SUPT3H: variants seen among roughly 807,000 people sequenced by gnomAD.
SUPT3H encodes transcription initiation protein SPT3 homolog.
In SUPT3H, 44 loss-of-function variants were observed where a neutral mutation model predicts 44.3. That is an observed-to-expected ratio of 0.99 (90% CI 0.78 to 1.28). The LOEUF (loss-of-function observed/expected upper bound fraction) is 1.28, where lower values mean the gene tolerates loss of function less well. Ranked by LOEUF, SUPT3H falls within the 50% of genes most tolerant of loss-of-function variation. The probability of loss-of-function intolerance (pLI) is 0.00; values close to 1 mark genes in which losing one functional copy is unlikely to be tolerated. For synonymous variants in SUPT3H, 124 were observed against 125.6 expected (o/e 0.99, Z 0.09); for missense variants, 380 against 387.1 (o/e 0.98, Z 0.15).
At chr6:45,116,441 C>G (rs1028533996) in intron 2 of SUPT3H, among the ~76,000 whole-genome samples, 2 of 152,056 alleles carry the variant, frequency 1.3e-5, no homozygotes, top group African/African-American at 4.8e-5. Context: ...GTATTAAGTG[C>G]CAGGTATATT....
chr6:45,270,187 A>C (rs1354256511), intron 2 of SUPT3H, among the ~76,000 whole-genome samples: 1 of 152,166 alleles, frequency 6.6e-6, no homozygotes, highest in Non-Finnish European at 1.5e-5. Context: ...CAAGGTCAAG[A>C]CACTTGTAAA....
chr6:45,161,559 T>C (rs1378943696), intron 2 of SUPT3H, among the ~76,000 whole-genome samples: 1 of 152,130 alleles, frequency 6.6e-6, no homozygotes, highest in Non-Finnish European at 1.5e-5. Flanking sequence ...TCAAAAGCAC[T>C]TTTGGAAGTA....
At chr6:45,216,961 T>C (rs893684715) in intron 2 of SUPT3H, among the ~76,000 whole-genome samples, 6 of 152,104 alleles carry the variant, frequency 3.9e-5, no homozygotes, top group Non-Finnish European at 7.4e-5. Context: ...AAGTAGGGCA[T>C]AGAATAGTAG....
chr6:45,198,333 C>T (rs895421911), intron 2 of SUPT3H, among the ~76,000 whole-genome samples: 16 of 151,314 alleles, frequency 1.1e-4, no homozygotes, highest in Admixed American at 1.1e-3. Context: ...TAAATGTCTA[C>T]CTCATTTGCT....
intron 2 of SUPT3H, among the ~76,000 whole-genome samples, chr6:45,342,478 C>A (rs967551000): frequency 6.6e-6 from 1 of 152,080 alleles, no homozygotes; most frequent in East Asian, 1.9e-4. Flanking sequence ...CCAGGATGGT[C>A]TCGATCTTCT....
At chr6:45,305,322 C>T (rs1386444033) in intron 2 of SUPT3H, among the ~76,000 whole-genome samples, 1 of 152,184 alleles carries the variant, frequency 6.6e-6, no homozygotes. Flanking sequence ...ATTGCTTCCG[C>T]TATACCTACT....
At position 45,322,733 on chromosome 6, in the gene SUPT3H, C is replaced by G; in HGVS notation, c.101+42468G>C. 3 of 612,786 alleles carry G rather than the reference C, an allele frequency of 4.9e-6. No individual in the cohort carries two copies. The East Asian group carries it at 8.5e-5, about 17-fold the overall frequency. The allele number at this position is 612,786 out of a possible 1,614,324, so 38.0% of individuals were successfully genotyped here. A position where few individuals can be genotyped will look rare whatever the true frequency, so the allele number is the denominator to read the frequency against. ...ACTGGCATGCAAATAAAAGAACTGT[C>G]AAGACATGTATTCCTAAAAATAAGC... On this transcript the variant is annotated intron_variant, in intron 2 of 10. Coordinates refer to ENST00000371459, the MANE Select transcript of SUPT3H (RefSeq NM_003599.4).
At chr6:44,845,835 C>G (rs1771773352) in intron 10 of SUPT3H, among the ~76,000 whole-genome samples, 2 of 152,204 alleles carry the variant, frequency 1.3e-5, no homozygotes, top group Admixed American at 1.3e-4. Context: ...CTCAATAAAA[C>G]CTTGTGCTCA....
chr6:45,353,340 T>C lies in SUPT3H; in HGVS notation c.101+11861A>G, dbSNP rs142901204. 9.0e-3 allele frequency among the ~76,000 whole-genome samples: 1,377 copies of C among 152,162 alleles called. 14 individuals carry two copies. Among genetic ancestry groups the C allele is most frequent in the South Asian group, 0.028 (137 of 4,828 alleles). ...ATAAAAATAGGAAAAGAGTCAAAAATATTTTAAAAAGAAAAGTTATGCGGA... is the reference window on the plus strand; with the variant it reads ...ATAAAAATAGGAAAAGAGTCAAAAACATTTTAAAAAGAAAAGTTATGCGGA... On this transcript the variant is annotated intron_variant, in intron 2 of 10. Transcript: ENST00000371459.
Position 45,158,298 on chromosome 6 carries a change from A to ATATATATATATTTTTT in SUPT3H, c.102-52293_102-52292insAAAAAATATATATATA. 6.0e-5 allele frequency among the ~76,000 whole-genome samples: 6 copies of ATATATATATATTTTTT among 99,694 alleles called. 1 individual carries two copies. The highest frequency in any genetic ancestry group is 3.0e-4 in the African/African-American group (6 of 19,958). 65.4% of individuals were successfully genotyped at this position (99,694 alleles called of 152,430 possible). On this transcript the variant is annotated intron_variant, in intron 2 of 10. Transcript: ENST00000371459. ...TACATATATATATATATATATATAT[A>ATATATATATATTTTTT]TTTTTTTTTTTTTTTTTTTGAGATG... is the stretch of plus-strand genomic sequence containing the variant.
chr6:45,099,351 TA>T (rs34067326), intron 3 of SUPT3H: 119,103 of 149,480 alleles, frequency 0.8, 47,400 homozygotes, highest in South Asian at 0.82. Context: ...GTGTTTTTCT[TA>T]AAAAAAAAAA....
chr6:45,020,707 G>T, intron 3 of SUPT3H, 75 bp from the exon 4 acceptor site: 1 of 1,023,650 alleles, frequency 9.8e-7, no homozygotes, highest in Admixed American at 2.2e-5. Context: ...TGTCTCTAAA[G>T]AGATAAATAT....
chr6:44,837,466 G>A (rs1303814804), intron 10 of SUPT3H, among the ~76,000 whole-genome samples: 1 of 152,186 alleles, frequency 6.6e-6, no homozygotes, highest in Non-Finnish European at 1.5e-5. Context: ...GATAGTCTCA[G>A]TTCCTAAAAA....
At chr6:45,093,648 G>A (rs142883855) in intron 3 of SUPT3H, among the ~76,000 whole-genome samples, 180 of 152,146 alleles carry the variant, frequency 1.2e-3, no homozygotes, top group African/African-American at 4.1e-3. Flanking sequence ...CAAAGAAAGA[G>A]GGAGAAAGAG....
At chr6:45,143,510 A>G (rs1805567325) in intron 2 of SUPT3H, among the ~76,000 whole-genome samples, 3 of 152,162 alleles carry the variant, frequency 2.0e-5, no homozygotes. Context: ...GAACTGAATA[A>G]CAGTGACAAA....
intron 2 of SUPT3H, among the ~76,000 whole-genome samples, chr6:45,167,832 A>C (rs564406841): frequency 6.6e-6 from 1 of 151,436 alleles, no homozygotes; most frequent in East Asian, 1.9e-4. Context: ...TTTTTTTTAG[A>C]CAGAGTTTCA....
Position 44,920,336 on chromosome 6 carries a change from C to T in SUPT3H, c.912+12317G>A, listed in dbSNP as rs180696113. Among the ~76,000 whole-genome samples, 44 of 152,058 alleles carry T rather than the reference C, an allele frequency of 2.9e-4. 1 individual carries two copies. The South Asian group carries it at 5.6e-3, about 19-fold the overall frequency. On this transcript the variant is annotated intron_variant, in intron 10 of 10. Transcript: ENST00000371459. The stretch of plus-strand genomic sequence containing the variant: ...TCTGTAATCCCAGCACTTTGGGAGG[C>T]CAAGGCAGGAGGATTGCTTGAGGCC...
At chr6:45,075,958 T>C (rs1794955307) in intron 3 of SUPT3H, among the ~76,000 whole-genome samples, 1 of 152,142 alleles carries the variant, frequency 6.6e-6, no homozygotes, top group Non-Finnish European at 1.5e-5. Flanking sequence ...TTTCAGTATC[T>C]ATATAATTAG....
chr6:45,022,685 G>A (rs1278498051), intron 3 of SUPT3H, among the ~76,000 whole-genome samples: 2 of 151,822 alleles, frequency 1.3e-5, no homozygotes, highest in Admixed American at 6.6e-5. Flanking sequence ...TGCCTATCCC[G>A]GATGTGTCCC....
Sources: gnomAD v4.1 joint callset for allele counts (sites outside exome capture counted in the v4.1 genomes callset) on GRCh38, gnomAD v4.1.1 for gene constraint, MANE v1.5 for transcripts, NCBI Gene and HGNC (gene_info 2026-07-23, HGNC 2026-07-21) for gene names.